The following ZFAT variants were observed in gnomAD, a reference collection of about 807,000 sequenced individuals.
ZFAT encodes the protein zinc finger protein ZFAT.
A neutral mutation model predicts 117.7 loss-of-function variants in ZFAT; 64 were observed. That is an observed-to-expected ratio of 0.54 (90% CI 0.44 to 0.67). The LOEUF is 0.67. Ranked by LOEUF, ZFAT falls within the 30% of genes least tolerant of loss-of-function variation. ZFAT has a pLI of 0.00. For synonymous variants in ZFAT, 679 were observed against 615.0 expected (o/e 1.10, Z -1.54); for missense variants, 1,433 against 1,584.5 (o/e 0.90, Z 1.62).
At chr8:134,491,353 A>G (rs564229735) in intron 15 of ZFAT, among the ~76,000 whole-genome samples, 2 of 152,382 alleles carry the variant, frequency 1.3e-5, no homozygotes, top group African/African-American at 4.8e-5. Flanking sequence ...TGGTGCACCC[A>G]GAGTGGACAC....
At chr8:134,556,216 C>T (rs1161725577) in intron 11 of ZFAT, among the ~76,000 whole-genome samples, 1 of 151,986 alleles carries the variant, frequency 6.6e-6, no homozygotes, top group African/African-American at 2.4e-5. Context: ...GATAAGTGCA[C>T]TTGAAGAAAG....
At chr8:134,733,124 T>C in the ZFAT span, among the ~76,000 whole-genome samples, 1 of 152,124 alleles carries the variant, frequency 6.6e-6, no homozygotes, top group African/African-American at 2.4e-5. Flanking sequence ...CTAAAACTGC[T>C]CCAAAAAATC....
At chr8:134,652,327 T>C (rs945018275) in intron 2 of ZFAT, among the ~76,000 whole-genome samples, 5 of 151,758 alleles carry the variant, frequency 3.3e-5, no homozygotes, top group African/African-American at 9.7e-5. Flanking sequence ...ACCAGGAGAG[T>C]TCATGATGAG....
chr8:134,489,941 T>C (rs151046743), intron 15 of ZFAT, among the ~76,000 whole-genome samples: 46 of 152,228 alleles, frequency 3.0e-4, no homozygotes, highest in African/African-American at 1.1e-3. Context: ...AGCAAAAGGC[T>C]TAGGCATCAG....
At chr8:134,695,123 C>T (rs1474477906) in intron 1 of ZFAT, among the ~76,000 whole-genome samples, 1 of 152,184 alleles carries the variant, frequency 6.6e-6, no homozygotes, top group East Asian at 1.9e-4. Flanking sequence ...CAGAGGAGGA[C>T]GAACTAACCA....
chr8:134,784,215 G>A, the ZFAT span: 1 of 152,258 alleles, frequency 6.6e-6, no homozygotes, highest in East Asian at 1.9e-4. Context: ...CGTTAAAAAC[G>A]TTCTTAGTTC....
chr8:134,502,185 G>A (rs561704407), intron 15 of ZFAT, among the ~76,000 whole-genome samples: 1 of 152,176 alleles, frequency 6.6e-6, no homozygotes, highest in Non-Finnish European at 1.5e-5. Flanking sequence ...CCGATGGGAG[G>A]AGGCCAGTCT....
At chr8:134,623,179 C>A (rs1268118294) in intron 3 of ZFAT, among the ~76,000 whole-genome samples, 2 of 152,136 alleles carry the variant, frequency 1.3e-5, no homozygotes, top group African/African-American at 4.8e-5. Context: ...AAGTCAGCAA[C>A]GAGGCACACC....
chr8:134,744,972 G>A, the ZFAT span, among the ~76,000 whole-genome samples: 7 of 149,692 alleles, frequency 4.7e-5, no homozygotes, highest in Non-Finnish European at 8.9e-5. Flanking sequence ...CTCGTGATCC[G>A]CCCACCTCGG....
chr8:134,625,884 T>C (rs1829463892), intron 3 of ZFAT, among the ~76,000 whole-genome samples: 4 of 152,208 alleles, frequency 2.6e-5, no homozygotes, highest in Admixed American at 2.6e-4. Context: ...CCCTGTGCCA[T>C]GGGCTACATC....
At chr8:134,675,447 G>T (rs942638109) in intron 1 of ZFAT, among the ~76,000 whole-genome samples, 6 of 152,140 alleles carry the variant, frequency 3.9e-5, no homozygotes, top group African/African-American at 1.4e-4. Context: ...AAGAAATATG[G>T]GACTACGTGA....
chr8:134,712,420 G>A (rs1003460759), intron 1 of ZFAT, among the ~76,000 whole-genome samples: 5 of 149,744 alleles, frequency 3.3e-5, no homozygotes, highest in Non-Finnish European at 7.4e-5. Flanking sequence ...CGGCGGCCGG[G>A]AAGCCTGCAG....
chr8:134,780,790 ATTCTTCT>A, the ZFAT span, among the ~76,000 whole-genome samples: 3 of 152,316 alleles, frequency 2.0e-5, no homozygotes, highest in South Asian at 6.2e-4. Flanking sequence ...CCCAGGTCTT[ATTCTTCT>A]CTCATCCCTT....
the ZFAT span, among the ~76,000 whole-genome samples, chr8:134,830,792 A>C: frequency 6.6e-6 from 1 of 152,256 alleles, no homozygotes; most frequent in East Asian, 1.9e-4. Flanking sequence ...GGTAATTTCC[A>C]GGTAACATTC....
chr8:134,620,526 T>C (rs1036111338), intron 3 of ZFAT, among the ~76,000 whole-genome samples: 1 of 152,242 alleles, frequency 6.6e-6, no homozygotes, highest in Non-Finnish European at 1.5e-5. Flanking sequence ...TGATTCTCTG[T>C]GCTATGAAGA....
intron 15 of ZFAT, among the ~76,000 whole-genome samples, chr8:134,503,119 C>T (rs748372459): frequency 1.5e-4 from 23 of 152,248 alleles, no homozygotes; most frequent in Non-Finnish European, 2.9e-4. Context: ...TAGACATCTA[C>T]TCCCATGGGG....
chr8:134,608,930 A>G, intron 4 of ZFAT, 51 bp from the exon 5 acceptor site: 2 of 1,570,150 alleles, frequency 1.3e-6, no homozygotes, highest in Non-Finnish European at 1.7e-6. Flanking sequence ...GAAAGTGGGC[A>G]CTGACCCCAT....
At chr8:134,532,802 G>A (rs377708593) in intron 12 of ZFAT, 32 bp downstream of exon 12, 320 of 1,604,728 alleles carry the variant, frequency 2.0e-4, no homozygotes, top group Middle Eastern at 3.4e-4. Flanking sequence ...AAGGAAGCGG[G>A]CAGGGCCCCA....
At chr8:134,774,449 AACC>A in the ZFAT span, among the ~76,000 whole-genome samples, 1 of 152,214 alleles carries the variant, frequency 6.6e-6, no homozygotes, top group Non-Finnish European at 1.5e-5. Flanking sequence ...AACATTCAGC[AACC>A]ACCACAATGA....
Sources: allele counts gnomAD v4.1 joint callset (sites outside exome capture counted in the v4.1 genomes callset), GRCh38; gene constraint gnomAD v4.1.1; transcripts MANE v1.5; gene names NCBI Gene and HGNC (gene_info 2026-07-23, HGNC 2026-07-21).